Variants in GPC6 observed in about 807,000 individuals in gnomAD.
The protein encoded by GPC6 is glypican 6, also known as glypican-6.
Under a neutral mutation model 55.2 loss-of-function variants are expected in GPC6, and 14 were observed. That is an observed-to-expected ratio of 0.25 (90% CI 0.17 to 0.40). The LOEUF is 0.40. GPC6 is among the 10% of genes least tolerant of loss of function. The probability of loss-of-function intolerance (pLI) is 1.00; values close to 1 mark genes in which losing one functional copy is unlikely to be tolerated. For missense variants in GPC6, 641 were observed against 708.5 expected, an observed-to-expected ratio of 0.90 and a Z score of 1.08; for synonymous variants, 278 against 259.6, an observed-to-expected ratio of 1.07 and a Z score of -0.68.
At chr13:93,560,784 A>G (rs1875741823) in intron 2 of GPC6, among the ~76,000 whole-genome samples, 1 of 149,694 alleles carries the variant, frequency 6.7e-6, no homozygotes, top group Non-Finnish European at 1.5e-5. Flanking sequence ...AAAAAAAAAG[A>G]ATTTTGCTCA....
At position 94,174,367 on chromosome 13, in the gene GPC6, G is replaced by A. The variant is rs116966612; in HGVS notation, c.878-111982G>A. 9.3e-3 allele frequency among the ~76,000 whole-genome samples: 1,408 copies of A among 152,156 alleles called. 14 individuals are homozygous for A. Among genetic ancestry groups the A allele is most frequent in the Admixed American group, 0.015 (228 of 15,270 alleles). On this transcript the variant is annotated intron_variant, in intron 4 of 8. Coordinates refer to ENST00000377047, the MANE Select transcript of GPC6 (RefSeq NM_005708.5). Reference sequence around the variant, plus strand: ...GAATAATGAAGAAATATCAAATAGGGTAAATCAATGGAGTTAGAGGACACA... The same window carrying A: ...GAATAATGAAGAAATATCAAATAGGATAAATCAATGGAGTTAGAGGACACA...
chr13:93,284,476 C>T (rs2139071436), intron 1 of GPC6, among the ~76,000 whole-genome samples: 1 of 152,280 alleles, frequency 6.6e-6, no homozygotes, highest in East Asian at 1.9e-4. Context: ...AGTATGTACA[C>T]TGTAGTCATT....
chr13:93,304,166 G>T (rs1026950213), intron 1 of GPC6, among the ~76,000 whole-genome samples: 1 of 152,032 alleles, frequency 6.6e-6, no homozygotes, highest in African/African-American at 2.4e-5. Context: ...GCGCCTGGCC[G>T]TAGAGACTAT....
intron 3 of GPC6, among the ~76,000 whole-genome samples, chr13:93,841,165 G>T (rs1887940209): frequency 6.6e-6 from 1 of 152,032 alleles, no homozygotes; most frequent in Non-Finnish European, 1.5e-5. Flanking sequence ...ACATTCCCTG[G>T]TGCAATATCA....
chr13:93,422,423 A>T (rs868263365), intron 1 of GPC6, among the ~76,000 whole-genome samples: 1 of 152,140 alleles, frequency 6.6e-6, no homozygotes, highest in East Asian at 1.9e-4. Flanking sequence ...TACTTTTCGG[A>T]TAGTTTCTTT....
At chr13:94,353,596 C>T (rs932415657) in intron 6 of GPC6, among the ~76,000 whole-genome samples, 2 of 152,092 alleles carry the variant, frequency 1.3e-5, no homozygotes, top group Admixed American at 6.5e-5. Flanking sequence ...TATACACACA[C>T]ACACACATTC....
At chr13:93,329,439 G>A (rs1594100117) in intron 1 of GPC6, among the ~76,000 whole-genome samples, 1 of 152,166 alleles carries the variant, frequency 6.6e-6, no homozygotes, top group African/African-American at 2.4e-5. Flanking sequence ...TGGTTACTAT[G>A]TAAACACTAT....
intron 1 of GPC6, among the ~76,000 whole-genome samples, chr13:93,246,288 A>C (rs558549779): frequency 6.6e-6 from 1 of 152,254 alleles, no homozygotes; most frequent in African/African-American, 2.4e-5. Flanking sequence ...TACTAGTTGC[A>C]TGTTTGCTCC....
At chr13:93,308,267 AGAGT>A (rs1878946213) in intron 1 of GPC6, among the ~76,000 whole-genome samples, 1 of 152,198 alleles carries the variant, frequency 6.6e-6, no homozygotes, top group South Asian at 2.1e-4. Context: ...CCTGGGTGAC[AGAGT>A]GAGACTCCAT....
At chr13:94,275,437 G>A (rs1463687041) in intron 4 of GPC6, among the ~76,000 whole-genome samples, 2 of 152,118 alleles carry the variant, frequency 1.3e-5, no homozygotes, top group African/African-American at 4.8e-5. Flanking sequence ...CCCTGGGACG[G>A]TAGAGTATCT....
chr13:93,387,609 A>G (rs1338650285), intron 1 of GPC6, among the ~76,000 whole-genome samples: 1 of 152,236 alleles, frequency 6.6e-6, no homozygotes, highest in Non-Finnish European at 1.5e-5. Context: ...AAAATGGGAT[A>G]AAGACAGTTG....
At chr13:94,163,647 C>T (rs1252622210) in intron 4 of GPC6, among the ~76,000 whole-genome samples, 1 of 152,026 alleles carries the variant, frequency 6.6e-6, no homozygotes, top group African/African-American at 2.4e-5. Flanking sequence ...AGTTATATTC[C>T]AATCAAGCAC....
rs926231040 is a variant in GPC6 at position 93,592,393 on chromosome 13, TAATATATA to T, written c.319+46979_319+46986del. ...TATATATAAACATATCAATATATAT[TAATATATA>T]AATATAAATATATAAATATATATAT... On this transcript the variant is annotated intron_variant, in intron 2 of 8. Transcript: ENST00000377047. Among the ~76,000 whole-genome samples the T allele has an allele frequency of 2.9e-4, 41 of 141,172 alleles. No individual in the cohort carries two copies. In the East Asian group the frequency reaches 3.6e-3, roughly 12 times the overall value. 92.6% of individuals were successfully genotyped at this position (141,172 alleles called of 152,430 possible).
chr13:93,522,786 T>G (rs561117388), intron 1 of GPC6, among the ~76,000 whole-genome samples: 1 of 151,998 alleles, frequency 6.6e-6, no homozygotes, highest in Admixed American at 6.6e-5. Flanking sequence ...AAATTCAAAC[T>G]TAGCAGCAGA....
At chr13:94,310,916 A>G (rs557638833) in intron 6 of GPC6, among the ~76,000 whole-genome samples, 1 of 152,254 alleles carries the variant, frequency 6.6e-6, no homozygotes, top group African/African-American at 2.4e-5. Context: ...TCTTGTGCTA[A>G]TAAGAACAAA....
chr13:93,869,758 T>G (rs139560091), intron 3 of GPC6, among the ~76,000 whole-genome samples: 1 of 151,866 alleles, frequency 6.6e-6, no homozygotes, highest in Non-Finnish European at 1.5e-5. Flanking sequence ...GGGTATTTTC[T>G]ACAGACCTAG....
chr13:94,030,574 A>G (rs1883086195), intron 4 of GPC6, among the ~76,000 whole-genome samples: 1 of 152,184 alleles, frequency 6.6e-6, no homozygotes, highest in African/African-American at 2.4e-5. Flanking sequence ...AGCAAAGATC[A>G]GTGAGCAAAT....
intron 3 of GPC6, among the ~76,000 whole-genome samples, chr13:93,930,230 A>G (rs756049940): frequency 3.6e-4 from 54 of 151,020 alleles, no homozygotes; most frequent in Admixed American, 5.3e-4. Flanking sequence ...CTAACAGGAC[A>G]GGAGTCTGGA....
chr13:94,128,697 G>A (rs1048962590), intron 4 of GPC6, among the ~76,000 whole-genome samples: 1 of 152,126 alleles, frequency 6.6e-6, no homozygotes, highest in African/African-American at 2.4e-5. Context: ...GCCAGAAATT[G>A]CAATGCTGCC....
Sources: allele counts gnomAD v4.1 joint callset (sites outside exome capture counted in the v4.1 genomes callset), GRCh38; gene constraint gnomAD v4.1.1; transcripts MANE v1.5; gene names NCBI Gene and HGNC (gene_info 2026-07-23, HGNC 2026-07-21).